Variants in DST observed in about 807,000 individuals in gnomAD.
The protein encoded by DST is bullous pemphigoid antigen.
Under a neutral mutation model 875.2 loss-of-function variants are expected in DST, and 253 were observed. That is an observed-to-expected ratio of 0.29 (90% confidence interval 0.26 to 0.32). The LOEUF is 0.32. Among genes scored for constraint, DST ranks in the 10% least tolerant of loss-of-function variants. The pLI is 1.00. For missense variants in DST, 8,287 were observed against 9,111.6 expected, an observed-to-expected ratio of 0.91 and a Z score of 3.68; for synonymous variants, 3,124 against 3,197.1, an observed-to-expected ratio of 0.98 and a Z score of 0.77.
chr6:56,864,175 C>T (rs1591823214), intron 3 of DST: 1 of 152,164 alleles, frequency 6.6e-6, no homozygotes, highest in Non-Finnish European at 1.5e-5. Context: ...ACATAGAGAC[C>T]TTGCCTGAGT....
rs1031320736 is a variant in DST, at chr6:56,607,567, T to C, written c.7061A>G (p.Asp2354Gly). ...AGAGTCACTTCTAAGCATGCTAATG[T>C]CTGCAAGTTCAGTCTGTGTTAAATA... ...ISYLTQTELA[D>G]ISMLRSDSEN... Residue 2354 changes from aspartate to glycine, a missense_variant, in exon 40 of 104, where the codon GAC becomes GGC. This residue lies in a region of DST where 3,138 missense variants were observed against 3,116.6 expected (regional missense o/e 1.01). Coordinates refer to ENST00000680361, the MANE Select transcript of DST (RefSeq NM_001374736.1). The C allele has an allele frequency of 1.6e-5, 26 of 1,611,860 alleles. No homozygotes were observed. The Admixed American group carries it at 4.0e-4, about 25-fold the overall frequency.
chr6:56,579,828 G>A (rs565547393), intron 49 of DST, among the ~76,000 whole-genome samples: 2 of 152,226 alleles, frequency 1.3e-5, no homozygotes, highest in Non-Finnish European at 2.9e-5. Flanking sequence ...GAGTTATGCA[G>A]GGCTTTTGGG....
chr6:56,487,805 G>A (rs2095614438), intron 86 of DST, among the ~76,000 whole-genome samples: 1 of 152,068 alleles, frequency 6.6e-6, no homozygotes. Flanking sequence ...ATATACAATA[G>A]CAGGAATGAG....
At chr6:56,784,394 T>A (rs910190494) in intron 4 of DST, among the ~76,000 whole-genome samples, 1 of 152,228 alleles carries the variant, frequency 6.6e-6, no homozygotes, top group Non-Finnish European at 1.5e-5. Context: ...TTTCACATAG[T>A]CCCATATTTC....
At chr6:56,472,252 C>T in intron 93 of DST, 30 bp from the exon 94 acceptor site, 2 of 1,606,244 alleles carry the variant, frequency 1.2e-6, no homozygotes, top group Non-Finnish European at 1.7e-6. Context: ...GTTAGGATGG[C>T]AGTTTCCAGG....
At chr6:56,713,482 G>T (rs2099384874) in intron 5 of DST, among the ~76,000 whole-genome samples, 1 of 152,088 alleles carries the variant, frequency 6.6e-6, no homozygotes, top group Non-Finnish European at 1.5e-5. Context: ...GTCTTACATG[G>T]CTCTATCCTT....
At position 56,947,438 on chromosome 6, in the gene DST, CG is replaced by C. The variant is rs530125327; in HGVS notation, c.216+6346del. Among the ~76,000 whole-genome samples, 55 of 151,828 alleles carry C rather than the reference CG, an allele frequency of 3.6e-4. 1 individual carries two copies. In the East Asian group the frequency reaches 0.01, roughly 28 times the overall value. ...GCTAATTTTTGTATTTTAGTAAAGACGGGGTTTCACCATGTTGACCAGGATG... is the reference window on the plus strand; with the variant it reads ...GCTAATTTTTGTATTTTAGTAAAGACGGGTTTCACCATGTTGACCAGGATG... On this transcript the variant is annotated intron_variant, in intron 2 of 103. Transcript: ENST00000680361.
At chr6:56,523,819 G>C (rs564368739) in intron 69 of DST, among the ~76,000 whole-genome samples, 1 of 152,106 alleles carries the variant, frequency 6.6e-6, no homozygotes, top group Non-Finnish European at 1.5e-5. Context: ...CATCATGTGT[G>C]GCTGTTGGTA....
chr6:56,787,841 C>A (rs2099708148), intron 4 of DST, among the ~76,000 whole-genome samples: 1 of 152,008 alleles, frequency 6.6e-6, no homozygotes, highest in Non-Finnish European at 1.5e-5. Context: ...ATATTCTCTT[C>A]AAAATCAGAC....
rs1036860215 is a variant in DST, at chr6:56,458,835, C to CA, written c.*169dup. 8.5e-5 allele frequency: 62 copies of CA among 728,238 alleles called. No individual in the cohort carries two copies. Among genetic ancestry groups the CA allele is most frequent in the Middle Eastern group, 8.0e-4 (2 of 2,496 alleles). 45.1% of individuals were successfully genotyped at this position (728,238 alleles called of 1,614,324 possible). On this transcript the variant is annotated 3_prime_UTR_variant, in exon 104 of 104. Coordinates refer to ENST00000680361, the MANE Select transcript of DST (RefSeq NM_001374736.1). ...GTGACTTTAACCCCAGAATATCTGA[C>CA]AAAAAAAATTATACAGATAAAATAA... is the stretch of plus-strand genomic sequence containing the variant.
At chr6:56,893,562 CTTTTTTTTTTTTTTTTT>C (rs1282483681) in intron 3 of DST, among the ~76,000 whole-genome samples, 1 of 35,910 alleles carries the variant, frequency 2.8e-5, no homozygotes, top group Non-Finnish European at 5.1e-5. Context: ...ACTTTTAGTT[CTTTTTTTTTTTTTTTTT>C]TTTTTTTTAT....
chr6:56,777,081 T>C (rs1032368483), intron 4 of DST, among the ~76,000 whole-genome samples: 1 of 151,362 alleles, frequency 6.6e-6, no homozygotes, highest in Non-Finnish European at 1.5e-5. Flanking sequence ...CTCATCTTCA[T>C]GCAGAGACAA....
chr6:56,865,899 T>G (rs978465412), intron 3 of DST, among the ~76,000 whole-genome samples: 1 of 152,200 alleles, frequency 6.6e-6, no homozygotes, highest in Non-Finnish European at 1.5e-5. Flanking sequence ...CAAAGATAGC[T>G]AAATTCAACT....
At chr6:56,871,776 T>TAA (rs746142378) in intron 3 of DST, 248 of 95,488 alleles carry the variant, frequency 2.6e-3, no homozygotes, top group African/African-American at 7.6e-3. Flanking sequence ...CAATTAAAAG[T>TAA]AAAAAAAAAA....
rs771974931 is a variant in DST at position 56,492,378 on chromosome 6, G to A, written c.20606C>T (p.Thr6869Ile). 1.4e-5 allele frequency: 22 copies of A among 1,613,684 alleles called. No individual in the cohort carries two copies. Among genetic ancestry groups the A allele is most frequent in the Middle Eastern group, 1.6e-4 (1 of 6,082 alleles). Residue 6869 changes from threonine (T) to isoleucine (I), a missense_variant, in exon 85 of 104, where the codon ACT becomes ATT. Around this residue, in one of 10 missense-constraint regions of DST, gnomAD observed 1,292 missense variants for 1,552.7 expected, o/e 0.83. Coordinates refer to ENST00000680361, the MANE Select transcript of DST (RefSeq NM_001374736.1). ...ACTAAAATATTTTAGGTGGGTTCCAGTTTTGTCCAGCTCTATTATCTGCTC... is the reference window on the plus strand; with the variant it reads ...ACTAAAATATTTTAGGTGGGTTCCAATTTTGTCCAGCTCTATTATCTGCTC... The part of the protein sequence containing the change: ...HREQIIELDK[T>I]GTHLKYFSQK...
chr6:56,806,172 T>G (rs901293957), intron 4 of DST, among the ~76,000 whole-genome samples: 2 of 152,228 alleles, frequency 1.3e-5, no homozygotes, highest in African/African-American at 4.8e-5. Context: ...ATAAAAAATA[T>G]CATTTTCTCC....
chr6:56,597,836 T>C lies in DST; in HGVS notation c.12099A>G (p.Glu4033=), dbSNP rs1176301645. 3 of 1,613,996 alleles carry C rather than the reference T, an allele frequency of 1.9e-6. No homozygotes were observed. The South Asian group carries it at 3.3e-5, about 18-fold the overall frequency. The change falls in exon 47 of 104, where the codon GAA becomes GAG. Residue 4033 remains glutamate, a synonymous_variant. Transcript: ENST00000680361. ...ACAGGTTACCATTAACTTCATCCTC[T>C]TCTCCAATTGCTGACTTGCCATCAC... ...QEGDGKSAIG[E]EDEVNGNLLE...
At chr6:56,834,596 C>G (rs2099791257) in intron 4 of DST, among the ~76,000 whole-genome samples, 1 of 134,470 alleles carries the variant, frequency 7.4e-6, no homozygotes, top group African/African-American at 2.9e-5. Context: ...GACTCCAACT[C>G]CAAAAAAAAA....
In DST at chr6:56,681,153, T is replaced by C. The variant is rs564301327; in HGVS notation, c.1048-10346A>G. Among the ~76,000 whole-genome samples the C allele has an allele frequency of 7.2e-5, 11 of 152,302 alleles. No homozygotes were observed. The East Asian group carries it at 2.1e-3, about 29-fold the overall frequency. On this transcript the variant is annotated intron_variant, in intron 9 of 103. Coordinates refer to ENST00000680361, the MANE Select transcript of DST (RefSeq NM_001374736.1). Reference sequence around the variant, plus strand: ...TTGAGAACTTAATTTCTCATTTTCCTTCCTGTATTTCCTCCTGCATTCCTA... The same window carrying C: ...TTGAGAACTTAATTTCTCATTTTCCCTCCTGTATTTCCTCCTGCATTCCTA...
Sources: gnomAD v4.1 joint callset for allele counts (sites outside exome capture counted in the v4.1 genomes callset) on GRCh38, gnomAD v4.1.1 for gene constraint, gnomAD v4.1.1 regional missense constraint, MANE v1.5 for transcripts, NCBI Gene and HGNC (gene_info 2026-07-23, HGNC 2026-07-21) for gene names.